Variants in CASD1 observed in about 807,000 individuals in gnomAD.
CASD1 encodes CAS1 domain sialic acid O acetyltransferase 1.
A neutral mutation model predicts 100.0 loss-of-function variants in CASD1; 41 were observed. That is an observed-to-expected ratio of 0.41 (90% CI 0.32 to 0.53). The LOEUF is 0.53. Among genes scored for constraint, CASD1 ranks in the 20% least tolerant of loss-of-function variants. The pLI, the probability that CASD1 is intolerant of heterozygous loss-of-function variation, is 0.25. For synonymous variants in CASD1, 321 were observed against 315.6 expected (o/e 1.02, Z -0.18); for missense variants, 774 against 948.7 (o/e 0.82, Z 2.42).
the CASD1 span, among the ~76,000 whole-genome samples, chr7:94,602,034 A>G: frequency 6.6e-6 from 1 of 152,290 alleles, no homozygotes; most frequent in East Asian, 1.9e-4. Flanking sequence ...AAAAATCTTC[A>G]AGGAGTATAT....
the CASD1 span, among the ~76,000 whole-genome samples, chr7:94,613,857 A>G: frequency 1.3e-5 from 2 of 152,152 alleles, no homozygotes; most frequent in Admixed American, 6.6e-5. Context: ...CAGCAGCACA[A>G]AACTTCCTGC....
the CASD1 span, among the ~76,000 whole-genome samples, chr7:94,614,718 T>C: frequency 3.9e-5 from 6 of 152,322 alleles, no homozygotes; most frequent in South Asian, 1.2e-3. Context: ...GATGCCTCAA[T>C]TGTGGTACTT....
the CASD1 span, chr7:94,600,235 G>A: frequency 4.8e-6 from 1 of 206,240 alleles, no homozygotes; most frequent in Non-Finnish European, 9.9e-6. Flanking sequence ...GTGTTACCCT[G>A]TTTGACAGCA....
At chr7:94,522,600 A>G (rs538008627) in intron 3 of CASD1, among the ~76,000 whole-genome samples, 3 of 152,156 alleles carry the variant, frequency 2.0e-5, no homozygotes, top group Non-Finnish European at 4.4e-5. Context: ...TAGAAAATAC[A>G]CTTTACAATC....
chr7:94,577,298 C>T, the CASD1 span, among the ~76,000 whole-genome samples: 1 of 152,154 alleles, frequency 6.6e-6, no homozygotes, highest in Non-Finnish European at 1.5e-5. Flanking sequence ...CTCCCCACTT[C>T]TGCTCCCCAA....
downstream of CASD1, among the ~76,000 whole-genome samples, chr7:94,561,960 G>T (rs1219877849): frequency 6.6e-6 from 1 of 152,142 alleles, no homozygotes; most frequent in Non-Finnish European, 1.5e-5. Flanking sequence ...AATTTCTCTT[G>T]AGTTTGAAGC....
At position 94,537,510 on chromosome 7, in the gene CASD1, T is replaced by C; in HGVS notation, c.882T>C (p.Ile294=). Residue 294 remains isoleucine (I), a synonymous_variant, in exon 9 of 18, where the codon ATT becomes ATC. Transcript: ENST00000297273. ...TTATGAATGTGTATTGCAATAAGAT[T>C]TTGAAGCCTGTAGATGGGTCCTGTT... ...MILMNVYCNK[I]LKPVDGSCCQ... The C allele has an allele frequency of 6.2e-7, 1 of 1,611,898 alleles. No homozygotes were observed. The highest frequency in any genetic ancestry group is 8.5e-7 in the Non-Finnish European group (1 of 1,179,356).
chr7:94,510,870 A>G (rs1462356186), intron 1 of CASD1, among the ~76,000 whole-genome samples: 1 of 152,238 alleles, frequency 6.6e-6, no homozygotes, highest in Non-Finnish European at 1.5e-5. Flanking sequence ...CGGAGTGCAC[A>G]CTTTTTACAA....
At chr7:94,591,988 A>C in the CASD1 span, among the ~76,000 whole-genome samples, 27 of 152,162 alleles carry the variant, frequency 1.8e-4, no homozygotes, top group African/African-American at 6.5e-4. Context: ...AGTTATATTA[A>C]AAATGCTTGT....
rs112330735 is a variant in CASD1 at position 94,538,041 on chromosome 7, A to T, written c.1266+147A>T. 8.2e-3 allele frequency: 4,834 copies of T among 588,420 alleles called. 35 individuals are homozygous for T. The highest frequency in any genetic ancestry group is 0.012 in the Non-Finnish European group (3,968 of 338,912). The allele number at this position is 588,420 out of a possible 1,614,324, so 36.4% of individuals were successfully genotyped here. On this transcript the variant is annotated intron_variant, in intron 9 of 17. Coordinates refer to ENST00000297273, the MANE Select transcript of CASD1 (RefSeq NM_022900.5). ...GGAAGATTGTAGTTACACTTCACTTAGTGGACTCTTAACTGTTCCTTTTTC... is the reference window on the plus strand; with the variant it reads ...GGAAGATTGTAGTTACACTTCACTTTGTGGACTCTTAACTGTTCCTTTTTC...
the CASD1 span, chr7:94,600,518 T>C: frequency 1.4e-6 from 1 of 703,864 alleles, no homozygotes; most frequent in Non-Finnish European, 2.5e-6. Flanking sequence ...AGTATTGCAG[T>C]TTGGACACAA....
chr7:94,568,709 T>C, the CASD1 span, among the ~76,000 whole-genome samples: 5 of 152,202 alleles, frequency 3.3e-5, no homozygotes, highest in Non-Finnish European at 5.9e-5. Flanking sequence ...TATTTGGAGA[T>C]TGGGCCTTTG....
At chr7:94,544,319 T>C in intron 10 of CASD1, 92 bp from the exon 11 acceptor site, 3 of 1,430,440 alleles carry the variant, frequency 2.1e-6, no homozygotes, top group Non-Finnish European at 2.9e-6. Flanking sequence ...ATGCTAATAA[T>C]CATTTATTAT....
At position 94,510,036 on chromosome 7, in the gene CASD1, GGCGCCC is replaced by G; in HGVS notation, c.-48_-43del. 2.7e-6 allele frequency: 4 copies of G among 1,460,782 alleles called. No homozygotes were observed. The South Asian group carries it at 5.4e-5, about 20-fold the overall frequency. 90.5% of individuals were successfully genotyped at this position (1,460,782 alleles called of 1,614,324 possible). On this transcript the variant is annotated 5_prime_UTR_variant, in exon 1 of 18. Transcript: ENST00000297273. The stretch of plus-strand genomic sequence containing the variant: ...GGCAGCCCCAGTGCTGCCCCTGTGC[GGCGCCC>G]CTTTCCCGCTCCGCCGCGCACTGTT...
At chr7:94,585,278 TAA>T in the CASD1 span, 1 of 486,428 alleles carries the variant, frequency 2.1e-6, no homozygotes, top group Admixed American at 3.4e-5. Context: ...GTAACAAATA[TAA>T]AGTCATCAAT....
At chr7:94,580,304 C>T in the CASD1 span, among the ~76,000 whole-genome samples, 1 of 152,150 alleles carries the variant, frequency 6.6e-6, no homozygotes, top group African/African-American at 2.4e-5. Context: ...TCTCACCTTC[C>T]CCTATACTTC....
the CASD1 span, among the ~76,000 whole-genome samples, chr7:94,573,534 T>C: frequency 6.6e-6 from 1 of 152,186 alleles, no homozygotes; most frequent in East Asian, 1.9e-4. Context: ...GGCTTGGCTG[T>C]TGTTGGTGTA....
chr7:94,554,536 C>T lies in CASD1; in HGVS notation c.2088C>T (p.Tyr696=). The T allele has an allele frequency of 6.2e-7, 1 of 1,612,286 alleles. No homozygotes were observed. ...RNIPGYARSV[Y]SSFFAWFGKI... Reference sequence around the variant, plus strand: ...TCCCTGGATATGCCCGTTCAGTTTACAGTTCATTTTTTGCTTGGTTTGGAA... The same window carrying T: ...TCCCTGGATATGCCCGTTCAGTTTATAGTTCATTTTTTGCTTGGTTTGGAA... Residue 696 remains tyrosine (Y), a synonymous_variant, in exon 17 of 18, where the codon TAC becomes TAT. Transcript: ENST00000297273.
chr7:94,586,061 GAAAAAAAAAA>G, the CASD1 span, among the ~76,000 whole-genome samples: 2 of 28,908 alleles, frequency 6.9e-5, no homozygotes, highest in African/African-American at 1.5e-4. Flanking sequence ...GGAACTAAAT[GAAAAAAAAAA>G]AAAAAAAAAA....
Sources: allele counts gnomAD v4.1 joint callset (sites outside exome capture counted in the v4.1 genomes callset), GRCh38; gene constraint gnomAD v4.1.1; transcripts MANE v1.5; gene names NCBI Gene and HGNC (gene_info 2026-07-23, HGNC 2026-07-21).